The following PLEKHG1 variants were observed in gnomAD, a reference collection of about 807,000 sequenced individuals.
PLEKHG1 encodes pleckstrin homology domain-containing family G member 1.
In PLEKHG1, 44 loss-of-function variants were observed where a neutral mutation model predicts 100.8. That is an observed-to-expected ratio of 0.44 (90% CI 0.34 to 0.56). The LOEUF (loss-of-function observed/expected upper bound fraction) is 0.56, where lower values mean the gene tolerates loss of function less well. PLEKHG1 is among the 20% of genes least tolerant of loss of function. The pLI is 0.01. For missense variants in PLEKHG1, 1,545 were observed against 1,720.9 expected (o/e 0.90, Z 1.81); for synonymous variants, 640 against 662.5 (o/e 0.97, Z 0.52).
chr6:150,619,517 C>T (rs1372988640), intron 1 of PLEKHG1, among the ~76,000 whole-genome samples: 1 of 152,140 alleles, frequency 6.6e-6, no homozygotes, highest in African/African-American at 2.4e-5. Flanking sequence ...GTTTTTCTGA[C>T]ACAGTTTCAT....
intron 3 of PLEKHG1, among the ~76,000 whole-genome samples, chr6:150,674,632 CCTCTCTCTCTCTCTCT>C (rs756355880): frequency 1.1e-4 from 7 of 66,340 alleles, no homozygotes; most frequent in African/African-American, 4.8e-4. Flanking sequence ...CTCTCTCCTC[CCTCTCTCTCTCTCTCT>C]CTCTCTCTCT....
intron 5 of PLEKHG1, among the ~76,000 whole-genome samples, chr6:150,797,138 C>G (rs983841291): frequency 6.6e-6 from 1 of 151,896 alleles, no homozygotes; most frequent in Non-Finnish European, 1.5e-5. Flanking sequence ...TACACCGCAC[C>G]CCACCAGACT....
rs549453863 is a variant in PLEKHG1, at chr6:150,732,026, A to G, written c.-98-1558A>G. Among the ~76,000 whole-genome samples, 633 of 147,066 alleles carry G rather than the reference A, an allele frequency of 4.3e-3. 6 individuals carry two copies. The highest frequency in any genetic ancestry group is 0.015 in the African/African-American group (601 of 39,814). On this transcript the variant is annotated intron_variant, in intron 1 of 15. Coordinates refer to ENST00000358517, the Ensembl canonical transcript of PLEKHG1. Reference sequence around the variant, plus strand: ...GCCCAGTCTGGAGTGCAGTGGCGCGATCTCGGCTCACTGCAAGCTCCGCCT... The same window carrying G: ...GCCCAGTCTGGAGTGCAGTGGCGCGGTCTCGGCTCACTGCAAGCTCCGCCT...
Position 150,683,866 on chromosome 6 carries a change from A to G in PLEKHG1, c.-99+33080A>G, listed in dbSNP as rs924810121. 34 of 1,262,324 alleles carry G rather than the reference A, an allele frequency of 2.7e-5. No homozygotes were observed. The highest frequency in any genetic ancestry group is 3.0e-5 in the Non-Finnish European group (29 of 967,376). The allele number at this position is 1,262,324 out of a possible 1,614,324, so 78.2% of individuals were successfully genotyped here. ...GGCGAGTGAAATATGGGAATATTGA[A>G]GGGGCCTGGGATGGAGGTAAGATGG... is the stretch of plus-strand genomic sequence containing the variant. On this transcript the variant is annotated intron_variant, in intron 3 of 3. Coordinates refer to the PLEKHG1 transcript ENST00000367326. This position sits in a 1 kb window ranked among gnomAD's most constrained non-coding sequence, Gnocchi z 4.0.
intron 3 of PLEKHG1, among the ~76,000 whole-genome samples, chr6:150,664,848 C>T (rs1054909178): frequency 1.3e-5 from 2 of 152,170 alleles, no homozygotes; most frequent in African/African-American, 4.8e-5. Context: ...ATGCTTCTAT[C>T]TCGGGGAGTT....
chr6:150,822,313 T>G (rs1776353813), intron 13 of PLEKHG1, among the ~76,000 whole-genome samples: 1 of 152,032 alleles, frequency 6.6e-6, no homozygotes, highest in South Asian at 2.1e-4. Context: ...GGCCAAAACA[T>G]ATAGAAAAAT....
At chr6:150,724,558 C>CTTTTTTTT (rs34140367) in intron 1 of PLEKHG1, among the ~76,000 whole-genome samples, 64 of 100,474 alleles carry the variant, frequency 6.4e-4, no homozygotes, top group Admixed American at 9.4e-4. Flanking sequence ...TTTTCTTTTT[C>CTTTTTTTT]TTTTTTTTTT....
rs113249133 is a variant in PLEKHG1, at chr6:150,767,688, T to G, written c.412-950T>G. 4.5e-4 allele frequency among the ~76,000 whole-genome samples: 68 copies of G among 152,368 alleles called. 1 individual carries two copies. Among genetic ancestry groups the G allele is most frequent in the African/African-American group, 1.4e-3 (57 of 41,584 alleles). ...CAGTGTTTGCTGTTGGACATTGGAA[T>G]GCGGCTGCGGTGCTGGGATTTTCAT... On this transcript the variant is annotated intron_variant, in intron 2 of 15. Coordinates refer to ENST00000358517, the Ensembl canonical transcript of PLEKHG1.
At chr6:150,688,054 G>T (rs17080121) in intron 3 of PLEKHG1, among the ~76,000 whole-genome samples, 15,355 of 152,140 alleles carry the variant, frequency 0.1, 2,391 homozygotes, top group African/African-American at 0.33. Flanking sequence ...ATTTAACCAG[G>T]TATCCAAACG....
At chr6:150,720,228 T>G (rs1781610282), upstream of PLEKHG1, among the ~76,000 whole-genome samples, 1 of 152,200 alleles carries the variant, frequency 6.6e-6, no homozygotes, top group African/African-American at 2.4e-5. Context: ...TTTAAAGAAC[T>G]CAAGATCTTT....
chr6:150,760,418 A>G (rs1328461492), intron 2 of PLEKHG1, among the ~76,000 whole-genome samples: 2 of 152,222 alleles, frequency 1.3e-5, no homozygotes, highest in Non-Finnish European at 2.9e-5. Flanking sequence ...TAGGAAAGGA[A>G]GTCAACTGGA....
At chr6:150,754,841 TG>T (rs1201624092) in intron 2 of PLEKHG1, among the ~76,000 whole-genome samples, 1 of 152,048 alleles carries the variant, frequency 6.6e-6, no homozygotes, top group Non-Finnish European at 1.5e-5. Context: ...GCTAATTTTT[TG>T]TATTATTAGT....
At chr6:150,670,441 A>G (rs1779545252) in intron 3 of PLEKHG1, among the ~76,000 whole-genome samples, 1 of 152,254 alleles carries the variant, frequency 6.6e-6, no homozygotes, top group African/African-American at 2.4e-5. Flanking sequence ...CAGAAGGACA[A>G]CATCGAAGCC....
At chr6:150,661,957 A>G (rs756233691) in intron 3 of PLEKHG1, among the ~76,000 whole-genome samples, 2 of 152,178 alleles carry the variant, frequency 1.3e-5, no homozygotes, top group Non-Finnish European at 2.9e-5. Flanking sequence ...TTTGAAATAA[A>G]CAATAAGGTA....
chr6:150,775,769 G>A (rs1784929047), intron 3 of PLEKHG1, among the ~76,000 whole-genome samples: 1 of 152,222 alleles, frequency 6.6e-6, no homozygotes, highest in Admixed American at 6.5e-5. Flanking sequence ...GCAAAGGAAG[G>A]TGGAATCGTT....
At chr6:150,821,364 T>G (rs1776285968) in intron 13 of PLEKHG1, 131 bp downstream of exon 14, 1 of 699,924 alleles carries the variant, frequency 1.4e-6, no homozygotes. Context: ...GATTAACTTC[T>G]GTAAATAAAA....
chr6:150,661,698 T>C (rs776486157), intron 3 of PLEKHG1, among the ~76,000 whole-genome samples: 6 of 152,210 alleles, frequency 3.9e-5, no homozygotes, highest in Non-Finnish European at 8.8e-5. Flanking sequence ...TATTAGGCCA[T>C]GTATCTTGAT....
intron 6 of PLEKHG1, among the ~76,000 whole-genome samples, chr6:150,804,378 G>T (rs780203497): frequency 6.7e-6 from 1 of 149,486 alleles, no homozygotes; most frequent in Non-Finnish European, 1.5e-5. Flanking sequence ...GAGAGACAGG[G>T]TTTCACCATG....
chr6:150,690,033 T>G (rs1025394569), intron 3 of PLEKHG1, among the ~76,000 whole-genome samples: 3 of 152,156 alleles, frequency 2.0e-5, no homozygotes, highest in Admixed American at 6.5e-5. Context: ...TATAAGCATT[T>G]TACTGTACCA....
Sources: allele counts gnomAD v4.1 joint callset (sites outside exome capture counted in the v4.1 genomes callset), GRCh38; gene constraint gnomAD v4.1.1; non-coding constraint Gnocchi (gnomAD v3.1); transcripts MANE v1.5; gene names NCBI Gene and HGNC (gene_info 2026-07-23, HGNC 2026-07-21).